Variants in CAPN8 observed in about 807,000 individuals in gnomAD.
CAPN8 encodes calpain-8.
Under a neutral mutation model 80.9 loss-of-function variants are expected in CAPN8, and 87 were observed. The ratio of observed to expected loss-of-function variants is 1.07; its 90% CI spans 0.90 to 1.28. The LOEUF is 1.28. Ranked by LOEUF, CAPN8 falls within the 50% of genes most tolerant of loss-of-function variation. CAPN8 has a pLI of 0.00. For synonymous variants in CAPN8, 299 were observed against 273.8 expected (o/e 1.09, Z -0.91); for missense variants, 757 against 702.0 (o/e 1.08, Z -0.89).
At chr1:223,626,314 C>T (rs1219528654) in intron 5 of CAPN8, among the ~76,000 whole-genome samples, 1 of 152,124 alleles carries the variant, frequency 6.6e-6, no homozygotes, top group Non-Finnish European at 1.5e-5. Context: ...CCCATACCAC[C>T]CCTCCACCAA....
At chr1:223,637,683 G>A (rs1657940041) in intron 2 of CAPN8, among the ~76,000 whole-genome samples, 2 of 152,184 alleles carry the variant, frequency 1.3e-5, no homozygotes, top group Non-Finnish European at 2.9e-5. Context: ...TCACTCACCA[G>A]CACTTGCCAA....
At chr1:223,659,072 A>G (rs1248990375) in intron 1 of CAPN8, among the ~76,000 whole-genome samples, 1 of 152,188 alleles carries the variant, frequency 6.6e-6, no homozygotes, top group East Asian at 1.9e-4. Flanking sequence ...CTATTACTCA[A>G]GCGAGGATCT....
chr1:223,620,145 T>C, intron 8 of CAPN8, 47 bp downstream of exon 8: 1 of 1,480,462 alleles, frequency 6.8e-7, no homozygotes, highest in South Asian at 1.2e-5. Context: ...GAACTGAAAA[T>C]GGACCCATCA....
Position 223,544,847 on chromosome 1 carries a change from T to A in CAPN8, c.1837A>T (p.Ile613Phe). ...TGGTTATAATCAGTTTCCCAATAGATCTCCTAAAGCAGGAAAGAAATCCCA... is the reference window on the plus strand; with the variant it reads ...TGGTTATAATCAGTTTCCCAATAGAACTCCTAAAGCAGGAAAGAAATCCCA... ...LWLKIQKYLE[I>F]YWETDYNHSG... The change falls in exon 18 of 21, where the codon ATC (isoleucine) becomes TTC (phenylalanine). Residue 613 changes from isoleucine (I) to phenylalanine (F), a missense_variant. Physicochemically the swap from Ile to Phe is conservative, Grantham distance 21. Transcript: ENST00000366872. The A allele has an allele frequency of 6.4e-7, 1 of 1,551,558 alleles. No homozygotes were observed. Among genetic ancestry groups the A allele is most frequent in the Non-Finnish European group, 8.7e-7 (1 of 1,146,984 alleles).
chr1:223,628,779 A>C lies in CAPN8; in HGVS notation c.309T>G (p.Gly103=). 1.9e-6 allele frequency: 3 copies of C among 1,554,060 alleles called. No homozygotes were observed. Among genetic ancestry groups the C allele is most frequent in the Non-Finnish European group, 2.6e-6 (3 of 1,148,464 alleles). ...TRTDICQGGL[G]DCWLLAAIAS... ...CAATGGCAGCCAGAAGCCAGCAGTC[A>C]CCTGCACAGTGTCACAGGGGACACA... The change falls in exon 3 of 21, where the codon GGT becomes GGG. Residue 103 remains glycine, a splice_region_variant and synonymous_variant. Transcript: ENST00000366872.
At position 223,544,199 on chromosome 1, in the gene CAPN8, G is replaced by T. The variant is rs1351580273; in HGVS notation, c.1913-16C>A. The T allele has an allele frequency of 1.1e-5, 8 of 717,112 alleles. No individual in the cohort carries two copies. The highest frequency in any genetic ancestry group is 1.8e-5 in the Non-Finnish European group (7 of 385,030). The allele number at this position is 717,112 out of a possible 1,614,324, so 44.4% of individuals were successfully genotyped here. On this transcript the variant is annotated splice_polypyrimidine_tract_variant and intron_variant, in intron 18 of 20. Coordinates refer to ENST00000366872, the MANE Select transcript of CAPN8 (RefSeq NM_001143962.2). ...AGGGTGAAACCTGAGGGCAGAGGGA[G>T]CCTGGGTCACAGGTAGAGTGGAGGA... is the stretch of plus-strand genomic sequence containing the variant.
chr1:223,624,713 C>CTAAA (rs71740935), intron 6 of CAPN8, among the ~76,000 whole-genome samples: 9,793 of 141,806 alleles, frequency 0.069, 371 homozygotes, highest in Admixed American at 0.12. Context: ...GACCCTGTCT[C>CTAAA]TAAATAAATA....
At chr1:223,660,733 G>A (rs375955009) in intron 1 of CAPN8, among the ~76,000 whole-genome samples, 6 of 152,296 alleles carry the variant, frequency 3.9e-5, no homozygotes, top group African/African-American at 7.2e-5. Context: ...CCCAAAGGGC[G>A]GTAGAAATTA....
rs1424014645 is a variant in CAPN8, at chr1:223,556,714, G to A, written c.1572+1417C>T. 2.6e-5 allele frequency among the ~76,000 whole-genome samples: 4 copies of A among 152,186 alleles called. No individual in the cohort carries two copies. In the South Asian group the frequency reaches 8.3e-4, roughly 32 times the overall value. ...CTCCTGCCAATCTGGTGCAAGAGGG[G>A]CTTAGGATCAGTATAAGTTGATTTA... On this transcript the variant is annotated intron_variant, in intron 13 of 20. Coordinates refer to ENST00000366872, the MANE Select transcript of CAPN8 (RefSeq NM_001143962.2).
At position 223,544,806 on chromosome 1, in the gene CAPN8, A is replaced by T; in HGVS notation, c.1878T>A (p.Asp626Glu). 1 of 1,551,714 alleles carries T rather than the reference A, an allele frequency of 6.4e-7. No individual in the cohort carries two copies. Among genetic ancestry groups the T allele is most frequent in the Non-Finnish European group, 8.7e-7 (1 of 1,147,002 alleles). The change falls in exon 18 of 21, where the codon GAT becomes GAA. Residue 626 changes from aspartate (D) to glutamate (E), a missense_variant. Coordinates refer to ENST00000366872, the MANE Select transcript of CAPN8 (RefSeq NM_001143962.2). ...ETDYNHSGTI[D>E]AHEMRTALRK... ...TGAGGGCTGTCCTCATCTCGTGGGC[A>T]TCGATGGTGCCCGAGTGGTTATAAT...
At chr1:223,547,207 C>A (rs1044047901) in intron 16 of CAPN8, among the ~76,000 whole-genome samples, 3 of 152,132 alleles carry the variant, frequency 2.0e-5, no homozygotes, top group Non-Finnish European at 4.4e-5. Context: ...CCCCTGCGCC[C>A]CGTCAATTTT....
chr1:223,547,841 T>C (rs1318076264), intron 16 of CAPN8, among the ~76,000 whole-genome samples: 6 of 151,906 alleles, frequency 3.9e-5, no homozygotes, highest in Non-Finnish European at 8.8e-5. Context: ...ACAGATGGGG[T>C]TTGATGAGAA....
At chr1:223,551,436 C>T (rs575106963) in intron 14 of CAPN8, among the ~76,000 whole-genome samples, 10 of 152,318 alleles carry the variant, frequency 6.6e-5, no homozygotes, top group Admixed American at 2.0e-4. Context: ...CCACCGTGCC[C>T]GGCTGGCCCT....
At position 223,628,757 on chromosome 1, in the gene CAPN8, T is replaced by C; in HGVS notation, c.331A>G (p.Ile111Val). The C allele has an allele frequency of 6.4e-7, 1 of 1,554,494 alleles. No individual in the cohort carries two copies. The highest frequency in any genetic ancestry group is 8.7e-7 in the Non-Finnish European group (1 of 1,148,784). ...TCTTCATTCAGGGTCAGGGAGGCAA[T>C]GGCAGCCAGAAGCCAGCAGTCACCT... is the stretch of plus-strand genomic sequence containing the variant. ...GLGDCWLLAA[I>V]ASLTLNEELL... The change falls in exon 3 of 21, where the codon ATT becomes GTT. Residue 111 changes from isoleucine (I) to valine (V), a missense_variant. Coordinates refer to ENST00000366872, the MANE Select transcript of CAPN8 (RefSeq NM_001143962.2).
At chr1:223,627,223 C>A in intron 4 of CAPN8, 66 bp from the exon 5 acceptor site, 6 of 1,505,408 alleles carry the variant, frequency 4.0e-6, no homozygotes, top group Middle Eastern at 1.7e-4. Flanking sequence ...GGATTGGGGA[C>A]CGGGACAGTG....
chr1:223,634,586 A>G (rs1240409991), intron 2 of CAPN8, among the ~76,000 whole-genome samples: 1 of 152,150 alleles, frequency 6.6e-6, no homozygotes, highest in East Asian at 1.9e-4. Flanking sequence ...AAACAACAAC[A>G]CAAGTCTAGA....
intron 2 of CAPN8, among the ~76,000 whole-genome samples, chr1:223,638,274 A>C (rs747972887): frequency 2.6e-5 from 4 of 152,174 alleles, no homozygotes; most frequent in Non-Finnish European, 5.9e-5. Context: ...CATCATTCAT[A>C]TCAGGGACTT....
At chr1:223,642,864 G>A (rs11584107) in intron 2 of CAPN8, 183,892 of 454,892 alleles carry the variant, frequency 0.4, 40,245 homozygotes, top group Non-Finnish European at 0.49. Context: ...AGACTCAATG[G>A]CATGAAACAG....
At chr1:223,543,030 G>T in intron 20 of CAPN8, 78 bp downstream of exon 20, 2 of 1,473,318 alleles carry the variant, frequency 1.4e-6, no homozygotes, top group Non-Finnish European at 9.3e-7. Flanking sequence ...ACAGGAATAA[G>T]CATCACTTGG....
Sources: allele counts gnomAD v4.1 joint callset (sites outside exome capture counted in the v4.1 genomes callset), GRCh38; gene constraint gnomAD v4.1.1; transcripts MANE v1.5; gene names NCBI Gene and HGNC (gene_info 2026-07-23, HGNC 2026-07-21).